Variants in PTPRT observed in about 807,000 individuals in gnomAD.
The protein encoded by PTPRT is protein tyrosine phosphatase receptor type T.
PTPRT carries 56 observed loss-of-function variants against 176.8 expected under a neutral mutation model. That is an observed-to-expected ratio of 0.32 (90% CI 0.26 to 0.40). The LOEUF is 0.40. PTPRT is among the 10% of genes least tolerant of loss of function. The pLI, the probability that PTPRT is intolerant of heterozygous loss-of-function variation, is 1.00. For missense variants in PTPRT, 1,540 were observed against 1,908.2 expected, an observed-to-expected ratio of 0.81 and a Z score of 3.60; for synonymous variants, 783 against 739.0, an observed-to-expected ratio of 1.06 and a Z score of -0.96.
intron 5 of PTPRT, among the ~76,000 whole-genome samples, chr20:42,770,610 G>T (rs1400879706): frequency 6.6e-6 from 1 of 151,146 alleles, no homozygotes; most frequent in East Asian, 2.0e-4. Context: ...TTTAACCAAA[G>T]AATAGACAGA....
At chr20:42,417,044 T>G (rs549002439) in intron 9 of PTPRT, among the ~76,000 whole-genome samples, 1 of 152,266 alleles carries the variant, frequency 6.6e-6, no homozygotes, top group East Asian at 1.9e-4. Flanking sequence ...CTACAGTTTC[T>G]CACAGGGTGC....
At chr20:42,893,142 T>A (rs2079224562) in intron 1 of PTPRT, among the ~76,000 whole-genome samples, 1 of 152,116 alleles carries the variant, frequency 6.6e-6, no homozygotes, top group African/African-American at 2.4e-5. Context: ...ATCCAGAATC[T>A]ACAATGAACT....
At chr20:43,117,103 G>T (rs928857626) in intron 1 of PTPRT, among the ~76,000 whole-genome samples, 2 of 152,056 alleles carry the variant, frequency 1.3e-5, no homozygotes, top group Admixed American at 6.5e-5. Context: ...CACAAAAGGG[G>T]CAAGCAGAGA....
In PTPRT at chr20:42,085,588, C is replaced by T. The variant is rs139479929; in HGVS notation, c.3972+140G>A. On this transcript the variant is annotated intron_variant, in intron 28 of 30. Transcript: ENST00000373187. Reference sequence around the variant, plus strand: ...GCTGAGTCTGGAGCCGGAATCAGCACAGGCATCACTTCCTCAAGGAAGAAA... The same window carrying T: ...GCTGAGTCTGGAGCCGGAATCAGCATAGGCATCACTTCCTCAAGGAAGAAA... 1,382 of 1,291,684 alleles carry T rather than the reference C, an allele frequency of 1.1e-3. 3 individuals are homozygous for T. Among genetic ancestry groups the T allele is most frequent in the Non-Finnish European group, 1.3e-3 (1,176 of 937,010 alleles). 80.0% of individuals were successfully genotyped at this position (1,291,684 alleles called of 1,614,324 possible).
chr20:42,618,135 T>C (rs2074116940), intron 7 of PTPRT, among the ~76,000 whole-genome samples: 1 of 135,232 alleles, frequency 7.4e-6, no homozygotes, highest in African/African-American at 3.3e-5. Context: ...TTCTGGTATG[T>C]CGTGTCTTTG....
chr20:42,564,929 GAA>G (rs2073013439), intron 7 of PTPRT, among the ~76,000 whole-genome samples: 1 of 152,082 alleles, frequency 6.6e-6, no homozygotes, highest in South Asian at 2.1e-4. Flanking sequence ...GAGCATCCAA[GAA>G]TTTTAGTATC....
chr20:42,855,500 C>G (rs149472207), intron 2 of PTPRT, among the ~76,000 whole-genome samples: 8 of 143,880 alleles, frequency 5.6e-5, no homozygotes, highest in Admixed American at 5.0e-4. Flanking sequence ...GGTACAATCT[C>G]GGCTCACTGC....
chr20:43,122,884 G>C (rs890886529), intron 1 of PTPRT, among the ~76,000 whole-genome samples: 1 of 152,058 alleles, frequency 6.6e-6, no homozygotes, highest in Admixed American at 6.6e-5. Flanking sequence ...ATGGAGTTTC[G>C]GTCTTGTTGC....
At chr20:43,014,848 T>C (rs1001131412) in intron 1 of PTPRT, among the ~76,000 whole-genome samples, 2 of 152,194 alleles carry the variant, frequency 1.3e-5, no homozygotes, top group Non-Finnish European at 2.9e-5. Flanking sequence ...TCAAATAGTA[T>C]AGGGGATGTG....
intron 2 of PTPRT, among the ~76,000 whole-genome samples, chr20:42,817,051 T>C (rs1231827731): frequency 6.6e-6 from 1 of 152,194 alleles, no homozygotes; most frequent in East Asian, 1.9e-4. Context: ...AACTATAGCA[T>C]CTGAATTTGC....
At chr20:42,971,805 C>T (rs1406867660) in intron 1 of PTPRT, among the ~76,000 whole-genome samples, 1 of 152,068 alleles carries the variant, frequency 6.6e-6, no homozygotes, top group Admixed American at 6.5e-5. Flanking sequence ...CTAGAGCAGT[C>T]CTGCTTACCT....
chr20:42,899,783 A>C (rs761507377), intron 1 of PTPRT, among the ~76,000 whole-genome samples: 9 of 152,226 alleles, frequency 5.9e-5, no homozygotes, highest in African/African-American at 9.6e-5. Flanking sequence ...GAAGTGTCAG[A>C]AGCACAAGAT....
chr20:42,141,750 G>A (rs1988641629), intron 18 of PTPRT, among the ~76,000 whole-genome samples, 165 bp downstream of exon 18: 1 of 152,182 alleles, frequency 6.6e-6, no homozygotes, highest in Non-Finnish European at 1.5e-5. Context: ...TCCAGTCTAG[G>A]GATGGCAGTA....
intron 7 of PTPRT, among the ~76,000 whole-genome samples, chr20:42,613,805 C>T (rs2074015757): frequency 6.6e-6 from 1 of 152,140 alleles, no homozygotes; most frequent in Non-Finnish European, 1.5e-5. Flanking sequence ...TATCTCCTTT[C>T]CTACCCACCT....
intron 1 of PTPRT, among the ~76,000 whole-genome samples, chr20:42,936,987 G>A (rs892063190): frequency 8.5e-5 from 13 of 152,170 alleles, no homozygotes; most frequent in Admixed American, 7.2e-4. Context: ...GGTCCACACA[G>A]CACACTCGAG....
Position 42,073,505 on chromosome 20 carries a change from C to CT in PTPRT, c.*7373_*7374insA, listed in dbSNP as rs1982487894. 1 of 210,238 alleles carries CT rather than the reference C, an allele frequency of 4.8e-6. No homozygotes were observed. 13.0% of individuals were successfully genotyped at this position (210,238 alleles called of 1,614,324 possible). On this transcript the variant is annotated 3_prime_UTR_variant, in exon 31 of 31. Transcript: ENST00000373187. ...GAGATAATGTGTATGGTAAGAAAAGCCCTGCTCTGTGTCCTACTTGGACCT... is the reference window on the plus strand; with the variant it reads ...GAGATAATGTGTATGGTAAGAAAAGCTCCTGCTCTGTGTCCTACTTGGACCT...
At chr20:42,585,093 T>C (rs1302489101) in intron 7 of PTPRT, among the ~76,000 whole-genome samples, 1 of 152,170 alleles carries the variant, frequency 6.6e-6, no homozygotes, top group Non-Finnish European at 1.5e-5. Context: ...AAAAAATGGT[T>C]ACCCTTTATT....
Position 42,604,317 on chromosome 20 carries a change from T to A in PTPRT, c.1153+73549A>T, listed in dbSNP as rs992027077. Among the ~76,000 whole-genome samples the A allele has an allele frequency of 3.3e-5, 5 of 152,200 alleles. No homozygotes were observed. The South Asian group carries it at 1.0e-3, about 31-fold the overall frequency. On this transcript the variant is annotated intron_variant, in intron 7 of 30. Coordinates refer to ENST00000373187, the MANE Select transcript of PTPRT (RefSeq NM_007050.6). Reference sequence around the variant, plus strand: ...TCCCCTTCCTCTCTGTTAAAATAAATGCCTGTCACATTTGATACTCATCTG... The same window carrying A: ...TCCCCTTCCTCTCTGTTAAAATAAAAGCCTGTCACATTTGATACTCATCTG...
At chr20:43,096,304 T>A (rs900845567) in intron 1 of PTPRT, among the ~76,000 whole-genome samples, 1 of 152,126 alleles carries the variant, frequency 6.6e-6, no homozygotes, top group African/African-American at 2.4e-5. Context: ...CAGACAGGGA[T>A]GGGATCATTT....
Sources: allele counts gnomAD v4.1 joint callset (sites outside exome capture counted in the v4.1 genomes callset), GRCh38; gene constraint gnomAD v4.1.1; transcripts MANE v1.5; gene names NCBI Gene and HGNC (gene_info 2026-07-23, HGNC 2026-07-21).